Variants in SAYSD1 observed in about 807,000 individuals in gnomAD.
The protein encoded by SAYSD1 is SAYSVFN motif domain containing 1.
A neutral mutation model predicts 14.5 loss-of-function variants in SAYSD1; 15 were observed. The observed-to-expected ratio is 1.03, with a 90% CI of 0.69 to 1.59. The LOEUF is 1.59. Among genes scored for constraint, SAYSD1 ranks in the 40% most tolerant of loss-of-function variants. SAYSD1 has a pLI of 0.00. For synonymous variants in SAYSD1, 105 were observed against 102.6 expected (o/e 1.02, Z -0.14); for missense variants, 247 against 227.3 (o/e 1.09, Z -0.56).
At chr6:39,114,806 ACCCCCGGCAGCTAGGGCCGCG>A (rs1437266107) in intron 1 of SAYSD1, 56 bp downstream of exon 1, 27 of 1,463,974 alleles carry the variant, frequency 1.8e-5, no homozygotes, top group Non-Finnish European at 2.5e-5. Context: ...CTAGGGCCAC[ACCCCCGGCAGCTAGGGCCGCG>A]CCCTCGACTG....
In SAYSD1 at chr6:39,104,077, T is replaced by A. The variant is rs1769446324; in HGVS notation, c.*1355A>T. 6.6e-6 allele frequency: 1 copy of A among 152,012 alleles called. No individual in the cohort carries two copies. The allele number at this position is 152,012 out of a possible 1,614,324, so 9.4% of individuals were successfully genotyped here. A position where few individuals can be genotyped will look rare whatever the true frequency, so the allele number is the denominator to read the frequency against. On this transcript the variant is annotated 3_prime_UTR_variant, in exon 2 of 2. Transcript: ENST00000229903. ...CAACAAAATTGTATCTTAAATACAA[T>A]CAAAACTTCATGTTTAATAGGGATT...
chr6:39,105,776 C>T lies in SAYSD1; in HGVS notation c.208G>A (p.Glu70Lys), dbSNP rs112205512. 8.1e-6 allele frequency: 13 copies of T among 1,611,162 alleles called. No homozygotes were observed. In the African/African-American group the frequency reaches 1.1e-4, roughly 13 times the overall value. The change falls in exon 2 of 2, where the codon GAA becomes AAA. Residue 70 changes from glutamate (E) to lysine (K), a missense_variant and splice_region_variant. Transcript: ENST00000229903. ...SARAQPGLVQ[E>K]AAQPQGSTSE... Reference sequence around the variant, plus strand: ...GTGCTGCCCTGGGGCTGAGCCGCTTCCTAGGATACACAAACAAACAAAAGA... The same window carrying T: ...GTGCTGCCCTGGGGCTGAGCCGCTTTCTAGGATACACAAACAAACAAAAGA...
intron 1 of SAYSD1, chr6:39,111,789 C>A (rs1769630643): frequency 1.3e-5 from 2 of 152,146 alleles, no homozygotes; most frequent in Admixed American, 1.3e-4. Context: ...GAACAACTTA[C>A]ACTAGACAAT....
In SAYSD1 at chr6:39,105,677, A is replaced by C. The variant is rs778290735; in HGVS notation, c.307T>G (p.Phe103Val). The change falls in exon 2 of 2, where the codon TTC (phenylalanine) becomes GTC (valine). Residue 103 changes from phenylalanine to valine, a missense_variant. By Grantham distance (50) the Phe-to-Val change is conservative. Coordinates refer to ENST00000229903, the MANE Select transcript of SAYSD1 (RefSeq NM_018322.3). ...WDQSFLTNITFLKVLLWLVLL... is the reference protein window; with the variant it reads ...WDQSFLTNITVLKVLLWLVLL... ...ACCAACCAGAGAAGAACCTTCAAGA[A>C]GGTGATATTGGTCAGGAAAGACTGG... 3.7e-6 allele frequency: 6 copies of C among 1,614,106 alleles called. No individual in the cohort carries two copies. The highest frequency in any genetic ancestry group is 5.1e-6 in the Non-Finnish European group (6 of 1,180,048).
chr6:39,115,036 C>T lies in SAYSD1; in HGVS notation c.54G>A (p.Ala18=), dbSNP rs760147968. The T allele has an allele frequency of 2.9e-5, 47 of 1,612,186 alleles. No individual in the cohort carries two copies. The highest frequency in any genetic ancestry group is 4.0e-5 in the African/African-American group (3 of 74,942). ...CCTGACTGGCAGCAGGGGGTTGGGC[C>T]GCCAGACCCGCCCGTTTCCGCGCCG... The part of the protein sequence containing the change: ...FRAARKRAGL[A]AQPPAASQGA... The change falls in exon 1 of 2, where the codon GCG becomes GCA. Residue 18 remains alanine (A), a synonymous_variant. Transcript: ENST00000229903.
At chr6:39,108,423 T>TGG (rs11451700) in intron 1 of SAYSD1, among the ~76,000 whole-genome samples, 1 of 95,564 alleles carries the variant, frequency 1.0e-5, no homozygotes, top group Non-Finnish European at 2.5e-5. Context: ...TAGATGGGTG[T>TGG]GGGGGTGGGG....
At chr6:39,113,517 T>C (rs1440457395) in intron 1 of SAYSD1, 1 of 152,588 alleles carries the variant, frequency 6.6e-6, no homozygotes, top group African/African-American at 2.4e-5. Context: ...CAGAGTCCCT[T>C]ATGGAAAAAC....
intron 1 of SAYSD1, chr6:39,111,212 C>T (rs1420536405): frequency 6.6e-6 from 1 of 152,100 alleles, no homozygotes; most frequent in African/African-American, 2.4e-5. Flanking sequence ...AAACATCCTT[C>T]CCTAAAGCCT....
chr6:39,105,473 A>G lies in SAYSD1; in HGVS notation c.511T>C (p.Leu171=), dbSNP rs773284374. 3.0e-5 allele frequency: 49 copies of G among 1,614,084 alleles called. 1 individual carries two copies. In the South Asian group the frequency reaches 4.3e-4, roughly 14 times the overall value. The change falls in exon 2 of 2, where the codon TTG becomes CTG. Residue 171 remains leucine, a synonymous_variant. Coordinates refer to ENST00000229903, the MANE Select transcript of SAYSD1 (RefSeq NM_018322.3). The part of the protein sequence containing the change: ...AIQGTLTAEQ[L]ERELQLRPLA... ...GGTCTCAACTGTAACTCGCGCTCCA[A>G]CTGCTCTGCAGTCAGGGTGCCCTGG... is the stretch of plus-strand genomic sequence containing the variant.
chr6:39,110,356 T>C lies in SAYSD1; in HGVS notation c.207+4527A>G, dbSNP rs1354988561. 3 of 208,386 alleles carry C rather than the reference T, an allele frequency of 1.4e-5. No homozygotes were observed. In the East Asian group the frequency reaches 3.3e-4, roughly 23 times the overall value. The allele number at this position is 208,386 out of a possible 1,614,324, so 12.9% of individuals were successfully genotyped here. On this transcript the variant is annotated intron_variant, in intron 1 of 1. Transcript: ENST00000229903. ...CTGCTTTACATTTGGCCTGTGCCAA[T>C]GGCCATGTGGAAGTGGTCACTCTCC...
intron 1 of SAYSD1, chr6:39,109,796 A>G (rs1644376265): frequency 5.7e-6 from 1 of 175,110 alleles, no homozygotes; most frequent in Non-Finnish European, 1.1e-5. Context: ...AGCATATTCC[A>G]TAGTGTATCT....
In SAYSD1 at chr6:39,105,575, C is replaced by T. The variant is rs771107704; in HGVS notation, c.409G>A (p.Gly137Arg). The change falls in exon 2 of 2, where the codon GGG becomes AGG. Residue 137 changes from glycine (G) to arginine (R), a missense_variant. Physicochemically the swap from Gly to Arg is moderately radical, Grantham distance 125. Transcript: ENST00000229903. ...TTCTTCTCTTCAGGGCCTCGTGTCC[C>T]GACGTACATCCAATAGAACAAGGAC... ...VLSLFYWMYV[G>R]TRGPEEKKEG... 56 of 1,614,106 alleles carry T rather than the reference C, an allele frequency of 3.5e-5. No homozygotes were observed. The highest frequency in any genetic ancestry group is 4.4e-5 in the South Asian group (4 of 91,074).
chr6:39,105,112 T>G lies in SAYSD1; in HGVS notation c.*320A>C. 1 of 289,616 alleles carries G rather than the reference T, an allele frequency of 3.5e-6. No homozygotes were observed. The highest frequency in any genetic ancestry group is 4.8e-5 in the Admixed American group (1 of 20,888). The allele number at this position is 289,616 out of a possible 1,614,324, so 17.9% of individuals were successfully genotyped here. ...CTTCAAACTGCTGGATGTTTTAAGC[T>G]GAGAATCTCCCCAGTGCCTTTCTAG... is the stretch of plus-strand genomic sequence containing the variant. On this transcript the variant is annotated 3_prime_UTR_variant, in exon 2 of 2. Coordinates refer to ENST00000229903, the MANE Select transcript of SAYSD1 (RefSeq NM_018322.3).
intron 1 of SAYSD1, among the ~76,000 whole-genome samples, chr6:39,107,223 C>G (rs1297755795): frequency 1.3e-5 from 2 of 152,172 alleles, no homozygotes; most frequent in Non-Finnish European, 2.9e-5. Context: ...CATCTCAAGC[C>G]TAGAATTCCG....
intron 1 of SAYSD1, 88 bp downstream of exon 1, chr6:39,114,795 G>T: frequency 7.3e-7 from 1 of 1,372,154 alleles, no homozygotes; most frequent in Non-Finnish European, 1.0e-6. Context: ...GCCTCCGGCA[G>T]CTAGGGCCAC....
At chr6:39,114,745 G>A in intron 1 of SAYSD1, 138 bp downstream of exon 1, 1 of 789,558 alleles carries the variant, frequency 1.3e-6, no homozygotes, top group Non-Finnish European at 2.0e-6. Flanking sequence ...CCGGAGATGA[G>A]CGGTCCGGCC....
rs1188283025 is a variant in SAYSD1 at position 39,106,513 on chromosome 6, CAA to C, written c.208-739_208-738del. 8.5e-5 allele frequency among the ~76,000 whole-genome samples: 13 copies of C among 152,128 alleles called. 3 individuals are homozygous for C. The highest frequency in any genetic ancestry group is 3.1e-4 in the African/African-American group (13 of 41,504). On this transcript the variant is annotated intron_variant, in intron 1 of 1. Coordinates refer to ENST00000229903, the MANE Select transcript of SAYSD1 (RefSeq NM_018322.3). The stretch of plus-strand genomic sequence containing the variant: ...CCACACTCTAGCTTGGGCAACAGAC[CAA>C]GACACTGTCTCAAAAACAAACAAAA...
In SAYSD1 at chr6:39,109,170, C is replaced by T. The variant is rs1040311519; in HGVS notation, c.208-3394G>A. On this transcript the variant is annotated intron_variant, in intron 1 of 1. Transcript: ENST00000229903. ...CAAAGGAGAGCCTTTGAGCAGAAGG[C>T]CAGCCTGAGCCAAGGCCTGGAGGTC... 48 of 812,702 alleles carry T rather than the reference C, an allele frequency of 5.9e-5. No individual in the cohort carries two copies. The South Asian group carries it at 7.2e-4, about 12-fold the overall frequency. 50.3% of individuals were successfully genotyped at this position (812,702 alleles called of 1,614,324 possible).
Position 39,115,143 on chromosome 6 carries a change from A to T in SAYSD1, c.-54T>A. On this transcript the variant is annotated 5_prime_UTR_variant, in exon 1 of 2. Coordinates refer to ENST00000229903, the MANE Select transcript of SAYSD1 (RefSeq NM_018322.3). ...AAGGGAGCGCGCGCCCGCAGGCCGCACAGCAGTTGCCTCCGCTCGGCCCGC... is the reference window on the plus strand; with the variant it reads ...AAGGGAGCGCGCGCCCGCAGGCCGCTCAGCAGTTGCCTCCGCTCGGCCCGC... The T allele has an allele frequency of 6.6e-7, 1 of 1,517,054 alleles. No homozygotes were observed. Among genetic ancestry groups the T allele is most frequent in the South Asian group, 1.2e-5 (1 of 82,478 alleles). 94.0% of individuals were successfully genotyped at this position (1,517,054 alleles called of 1,614,324 possible). A position where few individuals can be genotyped will look rare whatever the true frequency, so the allele number is the denominator to read the frequency against.
Sources: gnomAD v4.1 joint callset for allele counts (sites outside exome capture counted in the v4.1 genomes callset) on GRCh38, gnomAD v4.1.1 for gene constraint, MANE v1.5 for transcripts, NCBI Gene and HGNC (gene_info 2026-07-23, HGNC 2026-07-21) for gene names.